The following ITPR3 variants were observed in gnomAD, a reference collection of about 807,000 sequenced individuals.
The protein encoded by ITPR3 is inositol 1,4,5-trisphosphate receptor type 3, also known as inositol 1,4,5-trisphosphate-gated calcium channel ITPR3.
In ITPR3, 173 loss-of-function variants were observed where a neutral mutation model predicts 293.2. That is an observed-to-expected ratio of 0.59 (90% confidence interval 0.52 to 0.67). ITPR3 has a LOEUF of 0.67. Among genes scored for constraint, ITPR3 ranks in the 30% least tolerant of loss-of-function variants. The pLI, the probability that ITPR3 is intolerant of heterozygous loss-of-function variation, is 0.00. For synonymous variants in ITPR3, 1,295 were observed against 1,444.4 expected (o/e 0.90, Z 2.35); for missense variants, 2,796 against 3,592.1 (o/e 0.78, Z 5.66).
chr6:33,673,972 C>T (rs1561871362), intron 23 of ITPR3, among the ~76,000 whole-genome samples: 1 of 152,222 alleles, frequency 6.6e-6, no homozygotes, highest in African/African-American at 2.4e-5. Flanking sequence ...GAGGCTGAGC[C>T]AGACCGGGAT....
Position 33,680,559 on chromosome 6 carries a change from G to A in ITPR3, c.4355G>A (p.Cys1452Tyr), listed in dbSNP as rs141872462. 22 of 1,613,644 alleles carry A rather than the reference G, an allele frequency of 1.4e-5. No homozygotes were observed. Among genetic ancestry groups the A allele is most frequent in the Non-Finnish European group, 1.8e-5 (21 of 1,179,876 alleles). Residue 1452 changes from cysteine (C) to tyrosine (Y), a missense_variant, in exon 33 of 58, where the codon TGC (cysteine) becomes TAC (tyrosine). Physicochemically the swap from Cys to Tyr is radical, Grantham distance 194. Around this residue, in one of 8 missense-constraint regions of ITPR3, gnomAD observed 344 missense variants for 460.3 expected, o/e 0.75. Transcript: ENST00000605930. ...ENFTLDMARV[C>Y]SKREKRVADP... Reference sequence around the variant, plus strand: ...CATCCCTCTCTCCTGCCTCAGGTCTGCAGCAAGCGTGAGAAGCGCGTGGCT... The same window carrying A: ...CATCCCTCTCTCCTGCCTCAGGTCTACAGCAAGCGTGAGAAGCGCGTGGCT...
At position 33,684,773 on chromosome 6, in the gene ITPR3, G is replaced by A. The variant is rs144643206; in HGVS notation, c.5138-1G>A. 1.1e-5 allele frequency: 17 copies of A among 1,611,270 alleles called. No individual in the cohort carries two copies. Among genetic ancestry groups the A allele is most frequent in the African/African-American group, 1.3e-5 (1 of 74,926 alleles). ...CTCCCTCAACCGAGTCCCGCCTCCA[G>A]GCCTGGACCCAGACTGGTCGGCAAT... On this transcript the variant is annotated splice_acceptor_variant, in intron 38 of 57. Coordinates refer to ENST00000605930, the MANE Select transcript of ITPR3 (RefSeq NM_002224.4). LOFTEE classifies it high-confidence loss of function. This position sits in a 1 kb window ranked among gnomAD's most constrained non-coding sequence, Gnocchi z 4.2.
At chr6:33,668,858 T>G (rs1764682659) in intron 17 of ITPR3, 116 bp from the exon 18 acceptor site, 1 of 1,216,264 alleles carries the variant, frequency 8.2e-7, no homozygotes, top group Non-Finnish European at 1.1e-6. Flanking sequence ...GAGATGCATA[T>G]GGTCTCTCTG....
In ITPR3 at chr6:33,666,360, C is replaced by T. The variant is rs1415930351; in HGVS notation, c.1551+384C>T. 2.6e-5 allele frequency among the ~76,000 whole-genome samples: 4 copies of T among 151,144 alleles called. No homozygotes were observed. Among genetic ancestry groups the T allele is most frequent in the South Asian group, 2.1e-4 (1 of 4,832 alleles). On this transcript the variant is annotated intron_variant, in intron 14 of 57. Coordinates refer to ENST00000605930, the MANE Select transcript of ITPR3 (RefSeq NM_002224.4). This position sits in a 1 kb window ranked among gnomAD's most constrained non-coding sequence, Gnocchi z 5.1. ...TTGAGAAAGTATTGGAAGAATAGTA[C>T]AGGGAACAAGGTGCCTCACTGTTTT...
Position 33,691,084 on chromosome 6 carries a change from C to T in ITPR3, c.7200C>T (p.Asp2400=). ...FLKDDFILEV[D]RLPNNHSTAS... Reference sequence around the variant, plus strand: ...AGGATGACTTCATTCTCGAGGTCGACCGGCTGCCCAACAACCACTCCACAG... The same window carrying T: ...AGGATGACTTCATTCTCGAGGTCGATCGGCTGCCCAACAACCACTCCACAG... The change falls in exon 52 of 58, where the codon GAC becomes GAT. Residue 2400 remains aspartate (D), a synonymous_variant. Coordinates refer to ENST00000605930, the MANE Select transcript of ITPR3 (RefSeq NM_002224.4). The surrounding 1 kb of genome is among the most constrained non-coding windows in gnomAD (Gnocchi z 4.9). 1 of 1,614,210 alleles carries T rather than the reference C, an allele frequency of 6.2e-7. No homozygotes were observed. The highest frequency in any genetic ancestry group is 8.5e-7 in the Non-Finnish European group (1 of 1,180,032).
rs1764986470 is a variant in ITPR3, at chr6:33,678,771, T to C, written c.3904T>C (p.Phe1302Leu). 1.2e-6 allele frequency: 2 copies of C among 1,613,640 alleles called. No individual in the cohort carries two copies. The highest frequency in any genetic ancestry group is 1.7e-6 in the Non-Finnish European group (2 of 1,179,910). Reference protein sequence around the residue: ...THGRHVQYLDFLHTVIKAEGK... With the variant: ...THGRHVQYLDLLHTVIKAEGK... ...CGGGCGCCATGTGCAGTACCTGGAC[T>C]TCCTGCACACCGTCATTAAGGCCGA... Residue 1302 changes from phenylalanine to leucine, a missense_variant, in exon 30 of 58, where the codon TTC becomes CTC. Phe to Leu is a conservative substitution (Grantham distance 22, BLOSUM62 0). Around this residue, in one of 8 missense-constraint regions of ITPR3, gnomAD observed 344 missense variants for 460.3 expected, o/e 0.75. Transcript: ENST00000605930.
Position 33,677,026 on chromosome 6 carries a change from C to T in ITPR3, c.3459C>T (p.Asp1153=), listed in dbSNP as rs377753110. Residue 1153 remains aspartate, a synonymous_variant, in exon 27 of 58, where the codon GAC becomes GAT. Transcript: ENST00000605930. ...CTCTCTGCTTTCAGCGTCCCACGGA[C>T]GAGGAGGGCTTTCTGCACCCACCAG... The part of the protein sequence containing the change: ...AAKDKKERPT[D]EEGFLHPPGE... 46 of 1,614,054 alleles carry T rather than the reference C, an allele frequency of 2.8e-5. No individual in the cohort carries two copies. The highest frequency in any genetic ancestry group is 6.7e-5 in the East Asian group (3 of 44,888).
intron 41 of ITPR3, 63 bp downstream of exon 41, chr6:33,685,890 G>A: frequency 1.3e-6 from 2 of 1,538,532 alleles, no homozygotes; most frequent in Non-Finnish European, 1.8e-6. Flanking sequence ...AGACTAGGCA[G>A]TGTGGCTGGT....
chr6:33,651,135 G>A (rs1160586583), intron 2 of ITPR3, among the ~76,000 whole-genome samples: 1 of 151,830 alleles, frequency 6.6e-6, no homozygotes, highest in Non-Finnish European at 1.5e-5. Flanking sequence ...AAATTAGCCG[G>A]GCGTGGTGGC....
At chr6:33,640,623 A>G in intron 2 of ITPR3, 69 bp downstream of exon 2, 2 of 1,241,120 alleles carry the variant, frequency 1.6e-6, no homozygotes, top group East Asian at 4.9e-5. Flanking sequence ...GACTGAATTT[A>G]TTCAACTGCA....
intron 56 of ITPR3, chr6:33,694,688 C>T (rs1434377962): frequency 3.7e-5 from 20 of 543,566 alleles, no homozygotes; most frequent in South Asian, 2.0e-4. Flanking sequence ...CAGCTGCCGA[C>T]GCTGCCTAAC....
At position 33,680,420 on chromosome 6, in the gene ITPR3, C is replaced by T. The variant is rs200167401; in HGVS notation, c.4316C>T (p.Thr1439Met). The change falls in exon 32 of 58, where the codon ACG becomes ATG. Residue 1439 changes from threonine (T) to methionine (M), a missense_variant. Physicochemically the swap from Thr to Met is moderately conservative, Grantham distance 81 (BLOSUM62 -1). Coordinates refer to ENST00000605930, the MANE Select transcript of ITPR3 (RefSeq NM_002224.4). ...ATCTACACCAGCAACCACATCTGGA[C>T]GCTCTTTGAGAACTTCACCCTGGAC... ...KEIYTSNHIW[T>M]LFENFTLDMA... The T allele has an allele frequency of 9.0e-5, 146 of 1,613,572 alleles. No individual in the cohort carries two copies. In the East Asian group the frequency reaches 2.2e-3, roughly 24 times the overall value.
chr6:33,687,255 G>A lies in ITPR3; in HGVS notation c.6105G>A (p.Gln2035=), dbSNP rs140689482. 5.6e-6 allele frequency: 9 copies of A among 1,613,764 alleles called. No homozygotes were observed. The African/African-American group carries it at 1.2e-4, about 22-fold the overall frequency. The change falls in exon 45 of 58, where the codon CAG becomes CAA. Residue 2035 remains glutamine (Q), a synonymous_variant. Coordinates refer to ENST00000605930, the MANE Select transcript of ITPR3 (RefSeq NM_002224.4). This position sits in a 1 kb window ranked among gnomAD's most constrained non-coding sequence, Gnocchi z 5.3. ...ACGTCATCAAGAAGGCCTACCTGCAGGAGGAAGAGCGTGAGAACTCGGAGG... is the reference window on the plus strand; with the variant it reads ...ACGTCATCAAGAAGGCCTACCTGCAAGAGGAAGAGCGTGAGAACTCGGAGG... ...LVDVIKKAYL[Q]EEERENSEVS...
intron 2 of ITPR3, among the ~76,000 whole-genome samples, chr6:33,646,711 A>C (rs1435288421): frequency 6.6e-6 from 1 of 152,046 alleles, no homozygotes. Flanking sequence ...TGAGCCTAGG[A>C]GTTTGAGACC....
rs747527908 is a variant in ITPR3, at chr6:33,655,796, G to A, written c.191G>A (p.Arg64His). The A allele has an allele frequency of 1.9e-6, 3 of 1,614,052 alleles. No homozygotes were observed. The highest frequency in any genetic ancestry group is 2.5e-6 in the Non-Finnish European group (3 of 1,180,006). Residue 64 changes from arginine to histidine, a missense_variant, in exon 3 of 58, where the codon CGC becomes CAC. By Grantham distance (29) the Arg-to-His change is conservative. Transcript: ENST00000605930. The surrounding 1 kb of genome is among the most constrained non-coding windows in gnomAD (Gnocchi z 4.9). ...DCLFKVCPMN[R>H]YSAQKQYWKA... Reference sequence around the variant, plus strand: ...CTCTTCAAGGTGTGCCCCATGAACCGCTACTCGGCCCAGAAGCAGTACTGG... The same window carrying A: ...CTCTTCAAGGTGTGCCCCATGAACCACTACTCGGCCCAGAAGCAGTACTGG...
chr6:33,658,907 A>C lies in ITPR3; in HGVS notation c.528+79A>C. The C allele has an allele frequency of 6.2e-7, 1 of 1,601,720 alleles. No individual in the cohort carries two copies. Among genetic ancestry groups the C allele is most frequent in the Non-Finnish European group, 8.5e-7 (1 of 1,171,056 alleles). The stretch of plus-strand genomic sequence containing the variant: ...GTAGGGTCTTCGGTGTGGGGACTGG[A>C]TAAGGGCATGCCCATTTCTTAGAAG... On this transcript the variant is annotated intron_variant, in intron 5 of 57. Coordinates refer to ENST00000605930, the MANE Select transcript of ITPR3 (RefSeq NM_002224.4). The surrounding 1 kb of genome is among the most constrained non-coding windows in gnomAD (Gnocchi z 6.1).
At chr6:33,686,603 A>G in intron 43 of ITPR3, 84 bp downstream of exon 43, 2 of 1,008,382 alleles carry the variant, frequency 2.0e-6, no homozygotes. Flanking sequence ...TCAAGTGTAC[A>G]TAGTGGTGTG....
intron 9 of ITPR3, 107 bp from the exon 10 acceptor site, chr6:33,663,393 T>A: frequency 8.9e-7 from 1 of 1,128,290 alleles, no homozygotes. Flanking sequence ...GGGTGCAGCC[T>A]GCCTGCCCAA....
rs894764620 is a variant in ITPR3, at chr6:33,639,057, G to T, written c.90-1427G>T. 5.3e-5 allele frequency among the ~76,000 whole-genome samples: 8 copies of T among 152,170 alleles called. 2 individuals are homozygous for T. The East Asian group carries it at 9.6e-4, about 18-fold the overall frequency. On this transcript the variant is annotated intron_variant, in intron 1 of 57. Transcript: ENST00000605930. ...TTGGGGCAAGGAAATAGTGAGGCTAGCTAGGGAGTAGGTAGAGGTCAGATC... is the reference window on the plus strand; with the variant it reads ...TTGGGGCAAGGAAATAGTGAGGCTATCTAGGGAGTAGGTAGAGGTCAGATC...
Sources: gnomAD v4.1 joint callset for allele counts (sites outside exome capture counted in the v4.1 genomes callset) on GRCh38, gnomAD v4.1.1 for gene constraint, gnomAD v4.1.1 regional missense constraint, Gnocchi (gnomAD v3.1) non-coding constraint, MANE v1.5 for transcripts, NCBI Gene and HGNC (gene_info 2026-07-23, HGNC 2026-07-21) for gene names.